The following CSMD2 variants were observed in gnomAD, a reference collection of about 807,000 sequenced individuals.
The protein encoded by CSMD2 is CUB and sushi domain-containing protein 2.
In CSMD2, 130 loss-of-function variants were observed where a neutral mutation model predicts 398.5. The ratio of observed to expected loss-of-function variants is 0.33; its 90% CI spans 0.28 to 0.38. CSMD2 has a LOEUF of 0.38. Ranked by LOEUF, CSMD2 falls within the 10% of genes least tolerant of loss-of-function variation. The pLI is 1.00. For synonymous variants in CSMD2, 1,828 were observed against 1,908.5 expected (o/e 0.96, Z 1.10); for missense variants, 3,829 against 4,764.9 (o/e 0.80, Z 5.78).
chr1:34,107,371 A>AT (rs1470512760), intron 1 of CSMD2, among the ~76,000 whole-genome samples: 8 of 152,160 alleles, frequency 5.3e-5, no homozygotes, highest in Non-Finnish European at 1.0e-4. Flanking sequence ...TAATAATAAT[A>AT]TATTATTAAA....
chr1:33,823,531 A>G (rs4652976), intron 7 of CSMD2, among the ~76,000 whole-genome samples: 149,278 of 152,258 alleles, frequency 0.98, 73,194 homozygotes, highest in Middle Eastern at 1. Context: ...CCACTATGGC[A>G]AGGGAGAAGC....
At chr1:33,558,038 T>A in intron 54 of CSMD2, 116 bp from the exon 55 acceptor site, 1 of 874,952 alleles carries the variant, frequency 1.1e-6, no homozygotes, top group Non-Finnish European at 1.8e-6. Flanking sequence ...CCAAGGTTGC[T>A]GGACTTCTCC....
rs144802497 is a variant in CSMD2 at position 33,595,031 on chromosome 1, C to A, written c.6856+5834G>T. On this transcript the variant is annotated intron_variant, in intron 44 of 70. Transcript: ENST00000373381. The stretch of plus-strand genomic sequence containing the variant: ...ATTCTCTCACATAACCACAAAACAA[C>A]CATCAACATTGGGAAATTAACACTG... Among the ~76,000 whole-genome samples the A allele has an allele frequency of 7.2e-5, 11 of 152,298 alleles. No individual in the cohort carries two copies. The East Asian group carries it at 2.1e-3, about 29-fold the overall frequency.
intron 10 of CSMD2, among the ~76,000 whole-genome samples, chr1:33,797,869 T>A (rs536925906): frequency 1.3e-5 from 2 of 152,156 alleles, no homozygotes; most frequent in African/African-American, 4.8e-5. Flanking sequence ...GAGTGTATGA[T>A]TATTACGCCT....
rs1242077338 is a variant in CSMD2 at position 33,518,924 on chromosome 1, G to T, written c.*53+541C>A. On this transcript the variant is annotated intron_variant, in intron 70 of 70. Transcript: ENST00000373381. This position sits in a 1 kb window ranked among gnomAD's most constrained non-coding sequence, Gnocchi z 4.3. ...AGGTATGGATATATCTTGATATGGG[G>T]TATATGTATTGCGTTTATAGTGTAT... 1.3e-5 allele frequency among the ~76,000 whole-genome samples: 2 copies of T among 152,088 alleles called. No individual in the cohort carries two copies. Among genetic ancestry groups the T allele is most frequent in the Non-Finnish European group, 2.9e-5 (2 of 68,004 alleles).
rs200272236 is a variant in CSMD2 at position 34,056,005 on chromosome 1, G to GT, written c.405-23300dup. Among the ~76,000 whole-genome samples the GT allele has an allele frequency of 1.1e-4, 17 of 152,278 alleles. No homozygotes were observed. In the East Asian group the frequency reaches 2.9e-3, roughly 26 times the overall value. On this transcript the variant is annotated intron_variant, in intron 2 of 70. Transcript: ENST00000373381. ...GGAGATTCCAAGGATTTCAGCAGCC[G>GT]TATGTCAGGACAAGAGACAAAGACC...
intron 1 of CSMD2, among the ~76,000 whole-genome samples, chr1:34,131,657 C>T (rs972777349): frequency 2.0e-5 from 3 of 152,188 alleles, no homozygotes; most frequent in Non-Finnish European, 1.5e-5. Context: ...AGGCCCAGGC[C>T]TCTCTCTGAG....
At chr1:34,019,277 A>G (rs966078147) in intron 3 of CSMD2, among the ~76,000 whole-genome samples, 21 of 152,276 alleles carry the variant, frequency 1.4e-4, no homozygotes, top group African/African-American at 4.8e-4. Context: ...ATAATTTCCC[A>G]GTATGATCTC....
intron 3 of CSMD2, among the ~76,000 whole-genome samples, chr1:34,015,963 TCTC>T (rs1648033357): frequency 6.6e-6 from 1 of 151,902 alleles, no homozygotes; most frequent in Non-Finnish European, 1.5e-5. Flanking sequence ...ATCTCTGAAA[TCTC>T]CTCCTCTATC....
chr1:33,566,301 A>G (rs1659048612), intron 53 of CSMD2, among the ~76,000 whole-genome samples: 1 of 34,466 alleles, frequency 2.9e-5, no homozygotes, highest in Non-Finnish European at 8.8e-5. Flanking sequence ...AATAATCAGG[A>G]ACCTCAAAAA....
chr1:33,573,451 C>G (rs992623598), intron 49 of CSMD2, among the ~76,000 whole-genome samples: 3 of 151,276 alleles, frequency 2.0e-5, no homozygotes, highest in Non-Finnish European at 4.4e-5. Flanking sequence ...TCAGTAGTAT[C>G]TTGAGAAAGT....
intron 9 of CSMD2, chr1:33,815,335 C>G (rs748984931): frequency 3.9e-5 from 6 of 152,174 alleles, no homozygotes; most frequent in African/African-American, 1.4e-4. Context: ...TTTTCTCCTA[C>G]GTTTCTGACC....
intron 25 of CSMD2, among the ~76,000 whole-genome samples, chr1:33,671,940 C>G (rs182545137): frequency 2.0e-5 from 3 of 152,198 alleles, no homozygotes; most frequent in Non-Finnish European, 4.4e-5. Flanking sequence ...TGATTCCCAC[C>G]TCCCTGCTTA....
chr1:34,123,639 T>C (rs566202374), intron 1 of CSMD2, among the ~76,000 whole-genome samples: 17 of 151,912 alleles, frequency 1.1e-4, no homozygotes, highest in Non-Finnish European at 2.4e-4. Flanking sequence ...CCCCAACCCA[T>C]GGGATGTGAC....
chr1:33,789,189 T>C (rs545445313), intron 11 of CSMD2, among the ~76,000 whole-genome samples: 1 of 152,146 alleles, frequency 6.6e-6, no homozygotes, highest in Non-Finnish European at 1.5e-5. Flanking sequence ...ATTCTTTCAA[T>C]GAGACATCTC....
intron 5 of CSMD2, among the ~76,000 whole-genome samples, chr1:33,896,245 A>C (rs1032849744): frequency 6.6e-6 from 1 of 151,578 alleles, no homozygotes; most frequent in African/African-American, 2.4e-5. Context: ...GAGGGTAAGG[A>C]GGGGAGTAGC....
rs1658710073 is a variant in CSMD2 at position 33,825,587 on chromosome 1, G to A, written c.1111+110C>T. On this transcript the variant is annotated intron_variant, in intron 7 of 70. Transcript: ENST00000373381. ...CGCAGAGCCCAGGATGGAGGAAGCA[G>A]GGTTGAAGGAAAGTCATTCCAGCAT... is the stretch of plus-strand genomic sequence containing the variant. 5 of 958,112 alleles carry A rather than the reference G, an allele frequency of 5.2e-6. No individual in the cohort carries two copies. In the South Asian group the frequency reaches 5.5e-5, roughly 11 times the overall value. 59.4% of individuals were successfully genotyped at this position (958,112 alleles called of 1,614,324 possible).
chr1:34,058,949 C>T (rs1395287770), intron 2 of CSMD2, among the ~76,000 whole-genome samples: 1 of 152,130 alleles, frequency 6.6e-6, no homozygotes, highest in Non-Finnish European at 1.5e-5. Context: ...TTAGGACCTG[C>T]TGCTTCTTAG....
At chr1:33,758,351 G>T (rs1195017648) in intron 13 of CSMD2, among the ~76,000 whole-genome samples, 1 of 152,200 alleles carries the variant, frequency 6.6e-6, no homozygotes, top group Non-Finnish European at 1.5e-5. Context: ...AACTACACTA[G>T]CTTGAGGGCT....
Sources: allele counts gnomAD v4.1 joint callset (sites outside exome capture counted in the v4.1 genomes callset), GRCh38; gene constraint gnomAD v4.1.1; non-coding constraint Gnocchi (gnomAD v3.1); transcripts MANE v1.5; gene names NCBI Gene and HGNC (gene_info 2026-07-23, HGNC 2026-07-21).